The following PREX1 variants were observed in gnomAD, a reference collection of about 807,000 sequenced individuals.
PREX1 encodes the protein phosphatidylinositol-3,4,5-trisphosphate dependent Rac exchange factor 1.
Under a neutral mutation model 198.3 loss-of-function variants are expected in PREX1, and 41 were observed. The observed-to-expected ratio is 0.21, with a 90% CI of 0.16 to 0.27. The LOEUF is 0.27. Among genes scored for constraint, PREX1 ranks in the 10% least tolerant of loss-of-function variants. The pLI, the probability that PREX1 is intolerant of heterozygous loss-of-function variation, is 1.00. For missense variants in PREX1, 1,620 were observed against 2,200.7 expected, an observed-to-expected ratio of 0.74 and a Z score of 5.28; for synonymous variants, 843 against 887.2, an observed-to-expected ratio of 0.95 and a Z score of 0.89.
At chr20:48,783,259 C>T (rs1467597642) in intron 1 of PREX1, among the ~76,000 whole-genome samples, 1 of 151,976 alleles carries the variant, frequency 6.6e-6, no homozygotes, top group African/African-American at 2.4e-5. Context: ...GCTTGGAAGG[C>T]AGAACAATGA....
chr20:48,808,210 G>A (rs900460801), intron 1 of PREX1, among the ~76,000 whole-genome samples: 6 of 152,152 alleles, frequency 3.9e-5, no homozygotes, highest in African/African-American at 1.2e-4. Context: ...CAGAGCTGGA[G>A]CGGCCCCAAA....
chr20:48,639,658 A>T (rs776329694), intron 30 of PREX1, 108 bp downstream of exon 30: 11 of 1,485,894 alleles, frequency 7.4e-6, no homozygotes, highest in Non-Finnish European at 9.1e-6. Flanking sequence ...CTCCCTGGTC[A>T]TGGAGAAACA....
At chr20:48,642,554 T>C (rs2089422725) in intron 27 of PREX1, 65 bp from the exon 28 acceptor site, 2 of 1,400,288 alleles carry the variant, frequency 1.4e-6, no homozygotes, top group African/African-American at 1.4e-5. Context: ...TCCCCAGCAC[T>C]TTCCTAAGAG....
At chr20:48,681,117 A>T in intron 11 of PREX1, 118 bp downstream of exon 11, 1 of 901,550 alleles carries the variant, frequency 1.1e-6, no homozygotes, top group Non-Finnish European at 1.8e-6. Flanking sequence ...CACTGTGCCC[A>T]GAAAACACGG....
At chr20:48,886,617 C>T in the PREX1 span, among the ~76,000 whole-genome samples, 1 of 152,178 alleles carries the variant, frequency 6.6e-6, no homozygotes, top group Non-Finnish European at 1.5e-5. Context: ...AATCAGTTCC[C>T]AAAGGGACAA....
At chr20:48,650,693 C>T (rs1159545998) in intron 23 of PREX1, among the ~76,000 whole-genome samples, 2 of 152,214 alleles carry the variant, frequency 1.3e-5, no homozygotes, top group Non-Finnish European at 2.9e-5. Context: ...CTAAGGAAAA[C>T]GAAGCCAGGA....
rs1390740789 is a variant in PREX1, at chr20:48,625,383, GCCAAGTCTTTT to G, written c.*491_*501del. The G allele has an allele frequency of 6.5e-6, 1 of 152,992 alleles. No individual in the cohort carries two copies. Among genetic ancestry groups the G allele is most frequent in the Non-Finnish European group, 1.5e-5 (1 of 68,390 alleles). 9.5% of individuals were successfully genotyped at this position (152,992 alleles called of 1,614,324 possible). A position where few individuals can be genotyped will look rare whatever the true frequency, so the allele number is the denominator to read the frequency against. ...GCCCCGTCTCTCCTTTCCCGACAGA[GCCAAGTCTTTT>G]CCAAGTCCACCAAGCAGGTTAGTAC... is the stretch of plus-strand genomic sequence containing the variant. On this transcript the variant is annotated 3_prime_UTR_variant, in exon 40 of 40. Coordinates refer to ENST00000371941, the MANE Select transcript of PREX1 (RefSeq NM_020820.4).
At chr20:48,783,327 G>A (rs924597575) in intron 1 of PREX1, among the ~76,000 whole-genome samples, 6 of 152,082 alleles carry the variant, frequency 3.9e-5, no homozygotes, top group Non-Finnish European at 7.4e-5. Context: ...TGACTCCGAA[G>A]TTTTTGGCCT....
chr20:48,823,650 T>C (rs552860065), intron 1 of PREX1, among the ~76,000 whole-genome samples: 4 of 152,192 alleles, frequency 2.6e-5, no homozygotes, highest in Non-Finnish European at 5.9e-5. Flanking sequence ...GTTCTTCCCA[T>C]TCTGTGGAGA....
the PREX1 span, among the ~76,000 whole-genome samples, chr20:48,857,756 G>C: frequency 6.6e-6 from 1 of 152,216 alleles, no homozygotes; most frequent in Non-Finnish European, 1.5e-5. Context: ...CTGGGTGACA[G>C]AGTAAGACCC....
intron 1 of PREX1, among the ~76,000 whole-genome samples, chr20:48,764,993 A>G (rs1175797023): frequency 6.6e-6 from 1 of 152,054 alleles, no homozygotes; most frequent in Admixed American, 6.6e-5. Context: ...TGGCACCTTG[A>G]TTTCAGCCCC....
chr20:48,678,353 C>T (rs2089723575), intron 13 of PREX1, among the ~76,000 whole-genome samples: 1 of 151,950 alleles, frequency 6.6e-6, no homozygotes, highest in African/African-American at 2.4e-5. Flanking sequence ...CGCCTGTAGT[C>T]CCAGCTACCT....
chr20:48,694,766 G>T (rs181115229), intron 7 of PREX1, among the ~76,000 whole-genome samples: 6 of 152,322 alleles, frequency 3.9e-5, no homozygotes, highest in Admixed American at 3.3e-4. Context: ...AAATTAAGTT[G>T]TAAGTGGTGA....
chr20:48,834,061 C>T, the PREX1 span, among the ~76,000 whole-genome samples: 2 of 151,720 alleles, frequency 1.3e-5, no homozygotes, highest in South Asian at 2.1e-4. Context: ...TGCATTCCAG[C>T]CTGGGCGACA....
At chr20:48,774,891 G>A (rs1298963801) in intron 1 of PREX1, among the ~76,000 whole-genome samples, 2 of 152,258 alleles carry the variant, frequency 1.3e-5, no homozygotes, top group Non-Finnish European at 1.5e-5. Context: ...CCTGCCATGG[G>A]GCAAGGTGTT....
chr20:48,792,941 C>G (rs1033169149), intron 1 of PREX1, among the ~76,000 whole-genome samples: 6 of 152,028 alleles, frequency 3.9e-5, no homozygotes, highest in African/African-American at 1.5e-4. Context: ...CATGGTGGCT[C>G]ATGCCTGTAA....
the PREX1 span, among the ~76,000 whole-genome samples, chr20:48,850,515 C>T: frequency 6.6e-6 from 1 of 152,098 alleles, no homozygotes; most frequent in Admixed American, 6.5e-5. Flanking sequence ...AGGGACAGGG[C>T]CTGAGCTGGG....
At chr20:48,813,123 C>A (rs1257029000) in intron 1 of PREX1, among the ~76,000 whole-genome samples, 1 of 152,262 alleles carries the variant, frequency 6.6e-6, no homozygotes, top group Non-Finnish European at 1.5e-5. Flanking sequence ...TGCCCTGCAT[C>A]CTGCTGTATC....
the PREX1 span, among the ~76,000 whole-genome samples, chr20:48,874,615 A>C: frequency 2.0e-5 from 3 of 152,020 alleles, no homozygotes; most frequent in Non-Finnish European, 2.9e-5. Flanking sequence ...GGTGGCTCCC[A>C]CCTGTAATCC....
Sources: gnomAD v4.1 joint callset for allele counts (sites outside exome capture counted in the v4.1 genomes callset) on GRCh38, gnomAD v4.1.1 for gene constraint, MANE v1.5 for transcripts, NCBI Gene and HGNC (gene_info 2026-07-23, HGNC 2026-07-21) for gene names.